The following WARS2 variants were observed in gnomAD, a reference collection of about 807,000 sequenced individuals.
WARS2 encodes the protein tryptophan--tRNA ligase, mitochondrial.
Under a neutral mutation model 36.5 loss-of-function variants are expected in WARS2, and 28 were observed. The ratio of observed to expected loss-of-function variants is 0.77; its 90% CI spans 0.57 to 1.05. The LOEUF is 1.05. WARS2 is among the 50% of genes least tolerant of loss of function. WARS2 has a pLI of 0.00. For synonymous variants in WARS2, 174 were observed against 178.4 expected, an observed-to-expected ratio of 0.98 and a Z score of 0.20; for missense variants, 435 against 456.8, an observed-to-expected ratio of 0.95 and a Z score of 0.44.
chr1:119,049,576 C>T (rs1355385416), intron 2 of WARS2, among the ~76,000 whole-genome samples: 1 of 152,098 alleles, frequency 6.6e-6, no homozygotes, highest in Non-Finnish European at 1.5e-5. Flanking sequence ...CCTATTCAGC[C>T]TCTCTATCTG....
At chr1:119,099,336 G>GT (rs1480515372) in intron 1 of WARS2, among the ~76,000 whole-genome samples, 155 of 152,228 alleles carry the variant, frequency 1.0e-3, no homozygotes, top group East Asian at 1.4e-3. Flanking sequence ...ATGTGTTTAG[G>GT]TTTTTTAATC....
intron 1 of WARS2, among the ~76,000 whole-genome samples, chr1:119,136,896 C>T (rs370678311): frequency 2.0e-5 from 3 of 152,138 alleles, no homozygotes; most frequent in Non-Finnish European, 4.4e-5. Context: ...AATATCTCTT[C>T]GTGGTATTCT....
rs587725229 is a variant in WARS2 at position 119,109,672 on chromosome 1, T to C, written c.90+30883A>G. Among the ~76,000 whole-genome samples the C allele has an allele frequency of 5.9e-5, 9 of 152,088 alleles. No homozygotes were observed. The East Asian group carries it at 1.4e-3, about 23-fold the overall frequency. Reference sequence around the variant, plus strand: ...CCACTTCAACAATCTGTCTTTTAAATGGTATATTTAAACCAATGACATTTA... The same window carrying C: ...CCACTTCAACAATCTGTCTTTTAAACGGTATATTTAAACCAATGACATTTA... On this transcript the variant is annotated intron_variant, in intron 1 of 5. Coordinates refer to ENST00000235521, the MANE Select transcript of WARS2 (RefSeq NM_015836.4).
intron 2 of WARS2, among the ~76,000 whole-genome samples, chr1:119,045,971 T>C (rs906849052): frequency 2.0e-5 from 3 of 152,090 alleles, no homozygotes; most frequent in Non-Finnish European, 2.9e-5. Context: ...GTTCTATCTG[T>C]AAAAAGCCAA....
chr1:119,032,885 G>A lies in WARS2; in HGVS notation c.*26C>T, dbSNP rs1647542787. The A allele has an allele frequency of 1.3e-6, 2 of 1,592,388 alleles. No individual in the cohort carries two copies. The highest frequency in any genetic ancestry group is 1.3e-5 in the African/African-American group (1 of 74,378). ...AATGCATGGAGTGCAAGGCACAAAA[G>A]CCTTGCTGTGATTCGTTGAAACTTC... On this transcript the variant is annotated 3_prime_UTR_variant, in exon 6 of 6. Transcript: ENST00000235521.
chr1:119,089,049 C>T (rs949550136), intron 1 of WARS2, among the ~76,000 whole-genome samples: 1 of 152,146 alleles, frequency 6.6e-6, no homozygotes, highest in Non-Finnish European at 1.5e-5. Context: ...GCCAGTAATT[C>T]TTATATATAA....
intron 1 of WARS2, among the ~76,000 whole-genome samples, chr1:119,111,196 C>G (rs1487398841): frequency 6.6e-6 from 1 of 152,060 alleles, no homozygotes; most frequent in Non-Finnish European, 1.5e-5. Context: ...TGTCTTGTAA[C>G]TTTTTGTTCA....
chr1:119,092,143 G>A (rs587715441), intron 1 of WARS2, among the ~76,000 whole-genome samples: 3 of 152,218 alleles, frequency 2.0e-5, no homozygotes, highest in South Asian at 2.1e-4. Flanking sequence ...ACTAATGACC[G>A]GCTGGGTACA....
chr1:119,045,590 G>T lies in WARS2; in HGVS notation c.421C>A (p.Gln141Lys). The change falls in exon 3 of 6, where the codon CAG becomes AAG. Residue 141 changes from glutamine to lysine, a missense_variant. Physicochemically the swap from Gln to Lys is moderately conservative, Grantham distance 53 (BLOSUM62 1). Coordinates refer to ENST00000235521, the MANE Select transcript of WARS2 (RefSeq NM_015836.4). Reference protein sequence around the residue: ...VRLPRLQHLHQWKAKTTKQKH... With the variant: ...VRLPRLQHLHKWKAKTTKQKH... ...AGATTACTGGCATTTACCTTCCACT[G>T]ATGTAAATGTTGTAATCGAGGTAGT... The T allele has an allele frequency of 6.3e-7, 1 of 1,592,136 alleles. No individual in the cohort carries two copies. The highest frequency in any genetic ancestry group is 8.6e-7 in the Non-Finnish European group (1 of 1,165,444).
Position 119,045,640 on chromosome 1 carries a change from C to T in WARS2, c.371G>A (p.Ser124Asn). ...QSQVSEHTQLSWILSCMVRLP... is the reference protein window; with the variant it reads ...QSQVSEHTQLNWILSCMVRLP... ...TCTGACCATGCAGGAAAGGATCCAA[C>T]TTAATTGTGTGTGTTCAGACACCTA... The change falls in exon 3 of 6, where the codon AGT becomes AAT. Residue 124 changes from serine (S) to asparagine (N), a missense_variant. Transcript: ENST00000235521. 1.3e-6 allele frequency: 2 copies of T among 1,592,130 alleles called. No individual in the cohort carries two copies. Among genetic ancestry groups the T allele is most frequent in the East Asian group, 4.5e-5 (2 of 44,694 alleles).
chr1:119,134,318 G>GAAAAAAAAAAAAAAAAAAAAAA, intron 1 of WARS2, among the ~76,000 whole-genome samples: 1 of 18,092 alleles, frequency 5.5e-5, no homozygotes, highest in Non-Finnish European at 1.2e-4. Context: ...AGGCAAAGGG[G>GAAAAAAAAAAAAAAAAAAAAAA]CAAAAAAAAA....
At chr1:119,052,437 G>A (rs1218876097) in intron 2 of WARS2, among the ~76,000 whole-genome samples, 1 of 152,096 alleles carries the variant, frequency 6.6e-6, no homozygotes, top group East Asian at 1.9e-4. Flanking sequence ...CCCCTTAACA[G>A]GAACTCTGGG....
At chr1:119,140,324 G>A in intron 1 of WARS2, 1 of 387,354 alleles carries the variant, frequency 2.6e-6, no homozygotes, top group Non-Finnish European at 4.6e-6. Context: ...GTGGCGGCAA[G>A]AGGTCAGAAA....
Position 119,032,682 on chromosome 1 carries a change from C to G in WARS2, c.*229G>C, listed in dbSNP as rs940155244. The G allele has an allele frequency of 1.8e-6, 1 of 540,574 alleles. No individual in the cohort carries two copies. 33.5% of individuals were successfully genotyped at this position (540,574 alleles called of 1,614,324 possible). A position where few individuals can be genotyped will look rare whatever the true frequency, so the allele number is the denominator to read the frequency against. ...ATAATTGGGGATTCAGACAGCTATGCCTTCTTGATTTATTTTTTGTTGTTG... is the reference window on the plus strand; with the variant it reads ...ATAATTGGGGATTCAGACAGCTATGGCTTCTTGATTTATTTTTTGTTGTTG... On this transcript the variant is annotated 3_prime_UTR_variant, in exon 6 of 6. Coordinates refer to ENST00000235521, the MANE Select transcript of WARS2 (RefSeq NM_015836.4).
rs1647428098 is a variant in WARS2, at chr1:119,031,551, T to C, written c.*1360A>G. 6.6e-6 allele frequency: 1 copy of C among 152,238 alleles called. No homozygotes were observed. Among genetic ancestry groups the C allele is most frequent in the Non-Finnish European group, 1.5e-5 (1 of 68,044 alleles). 9.4% of individuals were successfully genotyped at this position (152,238 alleles called of 1,614,324 possible). A position where few individuals can be genotyped will look rare whatever the true frequency, so the allele number is the denominator to read the frequency against. ...TTGCTCAACAACCTAGTTATGTATG[T>C]ACAAATGGTGATCATGGTCCTTACT... On this transcript the variant is annotated 3_prime_UTR_variant, in exon 6 of 6. Transcript: ENST00000235521.
Position 119,084,437 on chromosome 1 carries a change from A to G in WARS2, c.91-7830T>C, listed in dbSNP as rs190460825. Among the ~76,000 whole-genome samples the G allele has an allele frequency of 1.7e-4, 26 of 152,356 alleles. No individual in the cohort carries two copies. The East Asian group carries it at 3.9e-3, about 23-fold the overall frequency. On this transcript the variant is annotated intron_variant, in intron 1 of 5. Coordinates refer to ENST00000235521, the MANE Select transcript of WARS2 (RefSeq NM_015836.4). ...CCTTTAAAATGGTTAACTTTATGTT[A>G]TGTGAATTTCACCTCAATACAAATA...
At chr1:119,056,514 TTAGAC>T (rs1379583366) in intron 2 of WARS2, among the ~76,000 whole-genome samples, 9 of 145,476 alleles carry the variant, frequency 6.2e-5, no homozygotes, top group African/African-American at 2.1e-4. Context: ...ATTTGTAGAC[TTAGAC>T]TATAGACTAA....
chr1:119,038,416 T>C (rs955733639), intron 4 of WARS2, among the ~76,000 whole-genome samples: 3 of 152,152 alleles, frequency 2.0e-5, no homozygotes, highest in Admixed American at 2.0e-4. Flanking sequence ...CAAATGCTGT[T>C]TTATGACAGT....
intron 2 of WARS2, among the ~76,000 whole-genome samples, chr1:119,067,489 A>C (rs916025778): frequency 2.6e-5 from 4 of 152,226 alleles, no homozygotes; most frequent in Admixed American, 6.5e-5. Context: ...AAAACCTTAG[A>C]CAACAAACTC....
Sources: gnomAD v4.1 joint callset for allele counts (sites outside exome capture counted in the v4.1 genomes callset) on GRCh38, gnomAD v4.1.1 for gene constraint, MANE v1.5 for transcripts, NCBI Gene and HGNC (gene_info 2026-07-23, HGNC 2026-07-21) for gene names.